Variants in NBAS observed in about 807,000 individuals in gnomAD.
The protein encoded by NBAS is NAG/BC035112 fusion.
Under a neutral mutation model 302.5 loss-of-function variants are expected in NBAS, and 219 were observed. The observed-to-expected ratio is 0.72, with a 90% CI of 0.65 to 0.81. The LOEUF is 0.81. Among genes scored for constraint, NBAS ranks in the 30% least tolerant of loss-of-function variants. NBAS has a pLI of 0.00. For synonymous variants in NBAS, 1,118 were observed against 1,021.6 expected, an observed-to-expected ratio of 1.09 and a Z score of -1.80; for missense variants, 2,932 against 2,841.6, an observed-to-expected ratio of 1.03 and a Z score of -0.72.
At chr2:15,165,247 G>C (rs777467765), downstream of NBAS, among the ~76,000 whole-genome samples, 6 of 152,228 alleles carry the variant, frequency 3.9e-5, no homozygotes, top group Non-Finnish European at 8.8e-5. Flanking sequence ...GGAGTGGCTT[G>C]ACCCACACCA....
intron 44 of NBAS, 21 bp from the exon 45 acceptor site, chr2:15,238,707 G>T (rs754385309): frequency 2.5e-6 from 4 of 1,601,180 alleles, no homozygotes; most frequent in South Asian, 1.1e-5. Context: ...AGAATAGTGA[G>T]ACCAAAGAAC....
At chr2:15,281,193 G>A (rs1669809376) in intron 42 of NBAS, among the ~76,000 whole-genome samples, 1 of 152,114 alleles carries the variant, frequency 6.6e-6, no homozygotes, top group African/African-American at 2.4e-5. Flanking sequence ...ATATGAATAG[G>A]CTTTGTCTCT....
intron 22 of NBAS, 42 bp from the exon 23 acceptor site, chr2:15,424,510 T>A (rs755993722): frequency 6.2e-7 from 1 of 1,606,960 alleles, no homozygotes; most frequent in Non-Finnish European, 8.5e-7. Flanking sequence ...GACTAGAATG[T>A]TGGAAAAACA....
chr2:14,910,269 A>G, the NBAS span, among the ~76,000 whole-genome samples: 1 of 152,164 alleles, frequency 6.6e-6, no homozygotes. Flanking sequence ...CCGAGGTGCA[A>G]AGAGGACCAG....
At chr2:14,892,054 C>T in the NBAS span, among the ~76,000 whole-genome samples, 1 of 152,160 alleles carries the variant, frequency 6.6e-6, no homozygotes, top group African/African-American at 2.4e-5. Context: ...TATTATGAGG[C>T]AAGCTAATCA....
chr2:14,945,601 A>G, the NBAS span, among the ~76,000 whole-genome samples: 2 of 152,206 alleles, frequency 1.3e-5, no homozygotes, highest in African/African-American at 4.8e-5. Flanking sequence ...ATTTTTAAAA[A>G]TCAAACAAAA....
intron 19 of NBAS, among the ~76,000 whole-genome samples, chr2:15,462,929 GA>G (rs1349972859): frequency 1.3e-5 from 2 of 152,124 alleles, no homozygotes; most frequent in African/African-American, 4.8e-5. Flanking sequence ...GAAGTAAAGG[GA>G]AAAAGAATTT....
intron 44 of NBAS, among the ~76,000 whole-genome samples, chr2:15,264,900 GGACA>G (rs1669009494): frequency 6.6e-6 from 1 of 152,108 alleles, no homozygotes; most frequent in South Asian, 2.1e-4. Context: ...TGAGTGCCTA[GGACA>G]GACTTTTGGA....
At chr2:15,182,839 A>ACC (rs1664892162) in intron 50 of NBAS, among the ~76,000 whole-genome samples, 1 of 152,198 alleles carries the variant, frequency 6.6e-6, no homozygotes, top group East Asian at 1.9e-4. Context: ...GGCCATAAGT[A>ACC]AGCAAGTCCC....
the NBAS span, among the ~76,000 whole-genome samples, chr2:14,844,226 G>C: frequency 1.3e-5 from 2 of 151,754 alleles, no homozygotes; most frequent in Non-Finnish European, 2.9e-5. Context: ...CAGCAGGAAA[G>C]GACACCAGTC....
At chr2:15,003,913 T>G in the NBAS span, among the ~76,000 whole-genome samples, 1 of 152,334 alleles carries the variant, frequency 6.6e-6, no homozygotes, top group East Asian at 1.9e-4. Context: ...GGACACAGTA[T>G]CAGAAAATCG....
chr2:14,867,250 T>C, the NBAS span, among the ~76,000 whole-genome samples: 3 of 152,158 alleles, frequency 2.0e-5, no homozygotes, highest in African/African-American at 7.2e-5. Context: ...GTTTTCTAAA[T>C]AGAAAGCAAC....
At chr2:15,064,752 A>C in the NBAS span, among the ~76,000 whole-genome samples, 1 of 152,312 alleles carries the variant, frequency 6.6e-6, no homozygotes, top group East Asian at 1.9e-4. Context: ...CCAAAGCCAG[A>C]CAAAGGCACT....
the NBAS span, among the ~76,000 whole-genome samples, chr2:15,100,171 T>G: frequency 1.6e-4 from 25 of 152,322 alleles, no homozygotes; most frequent in Non-Finnish European, 1.3e-4. Context: ...GGGGCCCTGA[T>G]GTAATGACCC....
the NBAS span, among the ~76,000 whole-genome samples, chr2:14,914,139 G>A: frequency 6.6e-6 from 1 of 152,136 alleles, no homozygotes; most frequent in East Asian, 1.9e-4. Context: ...CACGAGAACA[G>A]TATGGAGGAA....
chr2:14,999,327 T>C, the NBAS span, among the ~76,000 whole-genome samples: 1 of 152,068 alleles, frequency 6.6e-6, no homozygotes, highest in East Asian at 1.9e-4. Context: ...AGTCAGCATA[T>C]AGAAGGACCG....
At chr2:15,465,741 T>G (rs1167823636) in intron 19 of NBAS, among the ~76,000 whole-genome samples, 1 of 152,200 alleles carries the variant, frequency 6.6e-6, no homozygotes, top group Admixed American at 6.5e-5. Context: ...ACAAATACTT[T>G]AAATGTTACT....
intron 10 of NBAS, among the ~76,000 whole-genome samples, chr2:15,507,312 T>A (rs918801108): frequency 9.7e-6 from 1 of 103,438 alleles, no homozygotes; most frequent in Middle Eastern, 5.1e-3. Context: ...TTCCTTCTGA[T>A]TACTTCTATT....
intron 21 of NBAS, among the ~76,000 whole-genome samples, chr2:15,458,745 CAG>C (rs1269185352): frequency 6.6e-6 from 1 of 152,090 alleles, no homozygotes; most frequent in Non-Finnish European, 1.5e-5. Context: ...TATGAAAGGA[CAG>C]AGATATTATT....
Sources: allele counts gnomAD v4.1 joint callset (sites outside exome capture counted in the v4.1 genomes callset), GRCh38; gene constraint gnomAD v4.1.1; transcripts MANE v1.5; gene names NCBI Gene and HGNC (gene_info 2026-07-23, HGNC 2026-07-21).